Variants in TSPAN5 observed in about 807,000 individuals in gnomAD.
The protein encoded by TSPAN5 is tetraspanin-5.
In TSPAN5, 10 loss-of-function variants were observed where a neutral mutation model predicts 37.1. The ratio of observed to expected loss-of-function variants is 0.27; its 90% CI spans 0.17 to 0.46. The LOEUF (loss-of-function observed/expected upper bound fraction) is 0.46. Ranked by LOEUF, TSPAN5 falls within the 20% of genes least tolerant of loss-of-function variation. The pLI, the probability that TSPAN5 is intolerant of heterozygous loss-of-function variation, is 1.00. For synonymous variants in TSPAN5, 110 were observed against 118.9 expected (o/e 0.93, Z 0.48); for missense variants, 195 against 326.6 (o/e 0.60, Z 3.11).
intron 4 of TSPAN5, 47 bp from the exon 5 acceptor site, chr4:98,478,857 C>T: frequency 6.2e-7 from 1 of 1,603,676 alleles, no homozygotes; most frequent in Non-Finnish European, 8.5e-7. Flanking sequence ...TGGAGGCAAG[C>T]AGTCACCTAC....
At chr4:98,545,217 C>T (rs1754443383) in intron 1 of TSPAN5, among the ~76,000 whole-genome samples, 1 of 152,218 alleles carries the variant, frequency 6.6e-6, no homozygotes, top group Admixed American at 6.5e-5. Flanking sequence ...GTTTCTGCCA[C>T]TGCTTGGGGG....
chr4:98,564,577 C>A (rs1394318390), intron 1 of TSPAN5, among the ~76,000 whole-genome samples: 1 of 62,260 alleles, frequency 1.6e-5, no homozygotes, highest in African/African-American at 1.3e-4. Flanking sequence ...AGTAGCCATT[C>A]ATTTGTTGCC....
chr4:98,528,486 T>C (rs563198323), intron 1 of TSPAN5, among the ~76,000 whole-genome samples: 64 of 152,212 alleles, frequency 4.2e-4, no homozygotes, highest in Admixed American at 7.9e-4. Flanking sequence ...TTTAATCTGC[T>C]TTGGTATTTT....
At chr4:98,546,950 C>T (rs890527931) in intron 1 of TSPAN5, among the ~76,000 whole-genome samples, 2 of 152,174 alleles carry the variant, frequency 1.3e-5, no homozygotes, top group Non-Finnish European at 2.9e-5. Flanking sequence ...TGGGTGAGCG[C>T]TAATGAGGTC....
intron 1 of TSPAN5, among the ~76,000 whole-genome samples, chr4:98,652,123 G>A (rs370839367): frequency 6.6e-6 from 1 of 152,158 alleles, no homozygotes; most frequent in African/African-American, 2.4e-5. Context: ...GCCTCCTAAA[G>A]TGTTGGGATT....
chr4:98,562,575 T>G (rs1027386896), intron 1 of TSPAN5, among the ~76,000 whole-genome samples: 2 of 151,988 alleles, frequency 1.3e-5, no homozygotes, highest in Admixed American at 1.3e-4. Context: ...GCAGGAGAAC[T>G]GCCTGAACCT....
chr4:98,538,712 T>A (rs1187129176), intron 1 of TSPAN5, among the ~76,000 whole-genome samples: 1 of 152,252 alleles, frequency 6.6e-6, no homozygotes, highest in East Asian at 1.9e-4. Context: ...TGTATCAGTT[T>A]ATACTGAAAT....
chr4:98,571,565 TA>T (rs545099194), intron 1 of TSPAN5, among the ~76,000 whole-genome samples: 2 of 147,874 alleles, frequency 1.4e-5, no homozygotes, highest in South Asian at 4.3e-4. Context: ...GTGAGGTAAG[TA>T]AAAAAAAACC....
chr4:98,644,178 G>T (rs550967003), intron 1 of TSPAN5, among the ~76,000 whole-genome samples: 3 of 151,562 alleles, frequency 2.0e-5, no homozygotes, highest in African/African-American at 7.3e-5. Flanking sequence ...TGCTCTGTTT[G>T]TTGAAAACAC....
At chr4:98,643,896 T>C (rs553344907) in intron 1 of TSPAN5, among the ~76,000 whole-genome samples, 78 of 152,342 alleles carry the variant, frequency 5.1e-4, no homozygotes, top group African/African-American at 1.3e-3. Flanking sequence ...GGAGTTGCCC[T>C]GTGGGCAGTT....
At chr4:98,562,659 C>CA (rs1754907505) in intron 1 of TSPAN5, among the ~76,000 whole-genome samples, 1 of 144,480 alleles carries the variant, frequency 6.9e-6, no homozygotes, top group East Asian at 2.0e-4. Context: ...GACTCTGTCT[C>CA]AAAAAACAAA....
intron 1 of TSPAN5, among the ~76,000 whole-genome samples, chr4:98,649,293 G>A (rs931336811): frequency 2.2e-4 from 33 of 152,038 alleles, no homozygotes; most frequent in African/African-American, 6.5e-4. Context: ...ACCCACATAC[G>A]CCTCAAGGAG....
intron 1 of TSPAN5, among the ~76,000 whole-genome samples, chr4:98,545,616 G>T (rs1172848828): frequency 6.6e-6 from 1 of 151,598 alleles, no homozygotes; most frequent in African/African-American, 2.4e-5. Flanking sequence ...TACAACCTCT[G>T]CTTCCTGGGC....
At chr4:98,603,252 C>T (rs574678786) in intron 1 of TSPAN5, among the ~76,000 whole-genome samples, 7 of 152,186 alleles carry the variant, frequency 4.6e-5, no homozygotes, top group African/African-American at 1.2e-4. Context: ...TAGACTCCCC[C>T]CTACCAGGCA....
At chr4:98,486,092 G>A (rs1411831632) in intron 3 of TSPAN5, among the ~76,000 whole-genome samples, 2 of 152,160 alleles carry the variant, frequency 1.3e-5, no homozygotes, top group South Asian at 2.1e-4. Flanking sequence ...CCTTTGAAAC[G>A]AGTCTCCAAC....
chr4:98,482,526 C>A (rs780869253), intron 3 of TSPAN5: 1 of 170,698 alleles, frequency 5.9e-6, no homozygotes, highest in Non-Finnish European at 1.2e-5. Flanking sequence ...CAATGACCTG[C>A]CCCTATCTCT....
At chr4:98,590,560 A>T (rs1468111179) in intron 1 of TSPAN5, among the ~76,000 whole-genome samples, 1 of 152,094 alleles carries the variant, frequency 6.6e-6, no homozygotes, top group East Asian at 1.9e-4. Flanking sequence ...AATACAAAAA[A>T]TTAGCCAGGT....
At chr4:98,477,379 C>A (rs1443310767) in intron 5 of TSPAN5, among the ~76,000 whole-genome samples, 3 of 152,186 alleles carry the variant, frequency 2.0e-5, no homozygotes, top group Admixed American at 1.3e-4. Context: ...CTGAGGTGGT[C>A]CCCTGGAGGA....
chr4:98,520,658 C>CATTT (rs1753833578), intron 1 of TSPAN5, among the ~76,000 whole-genome samples: 1 of 152,200 alleles, frequency 6.6e-6, no homozygotes, highest in South Asian at 2.1e-4. Flanking sequence ...TGGGTAATAA[C>CATTT]ACCTGCTGCA....
Sources: gnomAD v4.1 joint callset for allele counts (sites outside exome capture counted in the v4.1 genomes callset) on GRCh38, gnomAD v4.1.1 for gene constraint, MANE v1.5 for transcripts, NCBI Gene and HGNC (gene_info 2026-07-23, HGNC 2026-07-21) for gene names.